The following ZNF772 variants were observed in gnomAD, a reference collection of about 807,000 sequenced individuals.
ZNF772 encodes zinc finger protein 772.
A neutral mutation model predicts 11.0 loss-of-function variants in ZNF772; 8 were observed. That is an observed-to-expected ratio of 0.73 (90% CI 0.43 to 1.31). ZNF772 has a LOEUF of 1.31. ZNF772 is among the 50% of genes most tolerant of loss of function. The probability of loss-of-function intolerance (pLI) is 0.01; values close to 1 mark genes in which losing one functional copy is unlikely to be tolerated. For missense variants in ZNF772, 496 were observed against 552.3 expected, an observed-to-expected ratio of 0.90 and a Z score of 1.02; for synonymous variants, 155 against 180.4, an observed-to-expected ratio of 0.86 and a Z score of 1.13.
In ZNF772 at chr19:57,474,142, C is replaced by A; in HGVS notation, c.479G>T (p.Arg160Ile). ...AAGAAAGGGCCTGCTCTTATCACTT[C>A]TAAAGGGTTTCTCTCCACTGTGCTG... Reference protein sequence around the residue: ...QKQHSGEKPFRSDKSRPFLLN... With the variant: ...QKQHSGEKPFISDKSRPFLLN... The change falls in exon 4 of 4, where the codon AGA (arginine) becomes ATA (isoleucine). Residue 160 changes from arginine (R) to isoleucine (I), a missense_variant. Transcript: ENST00000356584. 6.2e-7 allele frequency: 1 copy of A among 1,614,232 alleles called. No homozygotes were observed.
In ZNF772 at chr19:57,477,269, G is replaced by A. The variant is rs1355780812; in HGVS notation, c.33+8C>T. ...GTCAGCGCGCAGACTCGCAGACGCA[G>A]CACCCACCTGTGCCGGGCCCATCGG... On this transcript the variant is annotated splice_region_variant and intron_variant, in intron 1 of 3. Transcript: ENST00000356584. The A allele has an allele frequency of 8.7e-6, 14 of 1,613,014 alleles. No individual in the cohort carries two copies. The highest frequency in any genetic ancestry group is 1.1e-5 in the Non-Finnish European group (13 of 1,179,740).
chr19:57,475,702 G>C lies in ZNF772; in HGVS notation c.157C>G (p.Arg53Gly), dbSNP rs374022798. ...LLDEAQRLLY[R>G]DVMLENFALM... is the part of the protein sequence containing the mutation. ...GCAAAGTTCTCCAGCATCACATCACGGTACAGGAGCCTCTGAGCCTCATCA... is the reference window on the plus strand; with the variant it reads ...GCAAAGTTCTCCAGCATCACATCACCGTACAGGAGCCTCTGAGCCTCATCA... Residue 53 changes from arginine to glycine, a missense_variant, in exon 3 of 4, where the codon CGT (arginine) becomes GGT (glycine). Coordinates refer to ENST00000356584, the MANE Select transcript of ZNF772 (RefSeq NM_001144068.2). This position sits in a 1 kb window ranked among gnomAD's most constrained non-coding sequence, Gnocchi z 4.2. 1 of 1,613,812 alleles carries C rather than the reference G, an allele frequency of 6.2e-7. No individual in the cohort carries two copies. The highest frequency in any genetic ancestry group is 1.7e-5 in the Admixed American group (1 of 59,972).
In ZNF772 at chr19:57,475,475, G is replaced by A. The variant is rs1421234656; in HGVS notation, c.199+185C>T. ...CAAGGCTCTGAGACAGCAAGCGCTG[G>A]GAATGCTCAAAAGGAGAAAGTAGGA... On this transcript the variant is annotated intron_variant, in intron 3 of 3. Coordinates refer to ENST00000356584, the MANE Select transcript of ZNF772 (RefSeq NM_001144068.2). The surrounding 1 kb of genome is among the most constrained non-coding windows in gnomAD (Gnocchi z 4.2). 5.1e-6 allele frequency: 5 copies of A among 974,444 alleles called. No homozygotes were observed. The highest frequency in any genetic ancestry group is 6.4e-6 in the Non-Finnish European group (4 of 620,994). 60.4% of individuals were successfully genotyped at this position (974,444 alleles called of 1,614,324 possible).
At position 57,473,457 on chromosome 19, in the gene ZNF772, A is replaced by C. The variant is rs1351381230; in HGVS notation, c.1164T>G (p.Asn388Lys). Residue 388 changes from asparagine (N) to lysine (K), a missense_variant, in exon 4 of 4, where the codon AAT becomes AAG. Physicochemically the swap from Asn to Lys is moderately conservative, Grantham distance 94. Coordinates refer to ENST00000356584, the MANE Select transcript of ZNF772 (RefSeq NM_001144068.2). Reference protein sequence around the residue: ...SDLIAHQRVHNGEKPYVCSEC... With the variant: ...SDLIAHQRVHKGEKPYVCSEC... ...CACTGCACACATAAGGCTTTTCACC[A>C]TTATGAACTCTTTGATGTGCAATAA... 6.2e-7 allele frequency: 1 copy of C among 1,614,092 alleles called. No homozygotes were observed. The highest frequency in any genetic ancestry group is 8.5e-7 in the Non-Finnish European group (1 of 1,180,038).
chr19:57,476,179 A>G (rs1359415439), intron 2 of ZNF772, among the ~76,000 whole-genome samples: 1 of 152,180 alleles, frequency 6.6e-6, no homozygotes, highest in Admixed American at 6.5e-5. Flanking sequence ...GATCACAGTT[A>G]TCTCACAACT....
chr19:57,474,581 GT>G (rs35044633), intron 3 of ZNF772, among the ~76,000 whole-genome samples, 160 bp from the exon 4 acceptor site: 37,343 of 152,160 alleles, frequency 0.25, 4,724 homozygotes, highest in Non-Finnish European at 0.26. Context: ...CTATACGGTA[GT>G]TGGCATCTAA....
chr19:57,473,407 T>C lies in ZNF772; in HGVS notation c.1214A>G (p.Lys405Arg), dbSNP rs746458541. ...CSECGKAFSH[K>R]HVLVQHHRIH... ...TCTATGATGCTGAACAAGTACATGT[T>C]TGTGGCTAAAGGCTTTTCCACATTC... Residue 405 changes from lysine (K) to arginine (R), a missense_variant, in exon 4 of 4, where the codon AAA (lysine) becomes AGA (arginine). Transcript: ENST00000356584. 6.2e-7 allele frequency: 1 copy of C among 1,613,944 alleles called. No homozygotes were observed. The highest frequency in any genetic ancestry group is 1.7e-5 in the Admixed American group (1 of 60,020).
rs181268652 is a variant in ZNF772 at position 57,470,519 on chromosome 19, G to T, written c.*2755C>A. On this transcript the variant is annotated 3_prime_UTR_variant, in exon 4 of 4. Coordinates refer to ENST00000356584, the MANE Select transcript of ZNF772 (RefSeq NM_001144068.2). ...GCTTCCATGTTAAAAAGTAGCAAAA[G>T]AAATGAAATCCAATAAAAGCGGAAG... is the stretch of plus-strand genomic sequence containing the variant. 6.6e-6 allele frequency: 1 copy of T among 151,964 alleles called. No homozygotes were observed. The highest frequency in any genetic ancestry group is 1.5e-5 in the Non-Finnish European group (1 of 67,948). 9.4% of individuals were successfully genotyped at this position (151,964 alleles called of 1,614,324 possible).
At chr19:57,476,537 GGA>G in intron 2 of ZNF772, 95 bp downstream of exon 2, 1 of 1,451,848 alleles carries the variant, frequency 6.9e-7, no homozygotes, top group East Asian at 2.3e-5. Flanking sequence ...CCAAGAGATC[GGA>G]GAGTAGCAGG....
rs757135864 is a variant in ZNF772, at chr19:57,473,687, T to A, written c.934A>T (p.Ser312Cys). The change falls in exon 4 of 4, where the codon AGT becomes TGT. Residue 312 changes from serine (S) to cysteine (C), a missense_variant. Ser to Cys is a moderately radical substitution (Grantham distance 112). Coordinates refer to ENST00000356584, the MANE Select transcript of ZNF772 (RefSeq NM_001144068.2). ...TGACTATAGGCTTTCCCACATTCAC[T>A]GCACTTGTAAGGCCTTGCTCCAGTG... ...VHTGARPYKC[S>C]ECGKAYSHKS... 7 of 1,614,106 alleles carry A rather than the reference T, an allele frequency of 4.3e-6. No homozygotes were observed.
chr19:57,473,010 G>A lies in ZNF772; in HGVS notation c.*264C>T. ...TTTGAAACACATTGGGGTTACTTTG[G>A]CACAAGGCAGGACTCTTCCAGCACA... On this transcript the variant is annotated 3_prime_UTR_variant, in exon 4 of 4. Coordinates refer to ENST00000356584, the MANE Select transcript of ZNF772 (RefSeq NM_001144068.2). 2.0e-6 allele frequency: 1 copy of A among 496,352 alleles called. No individual in the cohort carries two copies. The highest frequency in any genetic ancestry group is 3.2e-5 in the East Asian group (1 of 31,132). The allele number at this position is 496,352 out of a possible 1,614,324, so 30.7% of individuals were successfully genotyped here.
rs2089254733 is a variant in ZNF772 at position 57,474,186 on chromosome 19, G to T, written c.435C>A (p.Asn145Lys). The part of the protein sequence containing the change: ...LCGKQFCFSA[N>K]LHQHQKQHSG... The stretch of plus-strand genomic sequence containing the variant: ...TGTGCTGCTTCTGGTGCTGGTGAAG[G>T]TTTGCACTGAAGCAGAACTGTTTCC... Residue 145 changes from asparagine to lysine, a missense_variant, in exon 4 of 4, where the codon AAC becomes AAA. Transcript: ENST00000356584. 1 of 1,614,020 alleles carries T rather than the reference G, an allele frequency of 6.2e-7. No homozygotes were observed. The highest frequency in any genetic ancestry group is 1.1e-5 in the South Asian group (1 of 91,090).
At chr19:57,476,489 A>T (rs756869498) in intron 2 of ZNF772, 145 bp downstream of exon 2, 7 of 970,410 alleles carry the variant, frequency 7.2e-6, no homozygotes, top group Non-Finnish European at 1.1e-5. Flanking sequence ...GCCCGGAGTC[A>T]GGACCCTGGG....
intron 1 of ZNF772, among the ~76,000 whole-genome samples, 196 bp downstream of exon 1, chr19:57,477,080 TC>T (rs2089292833): frequency 6.6e-6 from 1 of 151,848 alleles, no homozygotes; most frequent in African/African-American, 2.4e-5. Context: ...GTGAACCATC[TC>T]TGAGCCTTTG....
chr19:57,476,685 G>A lies in ZNF772; in HGVS notation c.34-13C>T. 1.3e-6 allele frequency: 2 copies of A among 1,585,036 alleles called. No individual in the cohort carries two copies. Among genetic ancestry groups the A allele is most frequent in the Non-Finnish European group, 1.7e-6 (2 of 1,163,912 alleles). On this transcript the variant is annotated splice_polypyrimidine_tract_variant and intron_variant, in intron 1 of 3. Transcript: ENST00000356584. ...AGTTCATGGGAACCTGTGGGGAAGA[G>A]GGAGACTATGCGAGTCAAGCAATCT... is the stretch of plus-strand genomic sequence containing the variant.
At chr19:57,476,538 G>A in intron 2 of ZNF772, 96 bp downstream of exon 2, 1 of 1,457,056 alleles carries the variant, frequency 6.9e-7, no homozygotes, top group Non-Finnish European at 9.6e-7. Flanking sequence ...CAAGAGATCG[G>A]AGAGTAGCAG....
Position 57,474,688 on chromosome 19 carries a change from T to C in ZNF772, c.200-267A>G, listed in dbSNP as rs139765863. The stretch of plus-strand genomic sequence containing the variant: ...GGTCTCAAAGTCATTCACAATCAGA[T>C]TTTCTTGGCTGCTGGGGACAGGTGA... On this transcript the variant is annotated intron_variant, in intron 3 of 3. Transcript: ENST00000356584. Among the ~76,000 whole-genome samples the C allele has an allele frequency of 3.8e-3, 582 of 152,270 alleles. 4 individuals carry two copies. The highest frequency in any genetic ancestry group is 0.014 in the African/African-American group (561 of 41,552).
chr19:57,476,851 G>A (rs932326040), intron 1 of ZNF772, among the ~76,000 whole-genome samples, 179 bp from the exon 2 acceptor site: 6 of 152,138 alleles, frequency 3.9e-5, no homozygotes, highest in African/African-American at 1.4e-4. Flanking sequence ...CTCATTATCC[G>A]CCCCCATGGC....
chr19:57,474,124 G>A lies in ZNF772; in HGVS notation c.497C>T (p.Pro166Leu). ...CACAGCACAGTTGTTCAGAAGAAAG[G>A]GCCTGCTCTTATCACTTCTAAAGGG... ...EKPFRSDKSR[P>L]FLLNNCAVQS... is the part of the protein sequence containing the mutation. The change falls in exon 4 of 4, where the codon CCC becomes CTC. Residue 166 changes from proline (P) to leucine (L), a missense_variant. Coordinates refer to ENST00000356584, the MANE Select transcript of ZNF772 (RefSeq NM_001144068.2). The A allele has an allele frequency of 6.2e-7, 1 of 1,614,124 alleles. No homozygotes were observed. Among genetic ancestry groups the A allele is most frequent in the Non-Finnish European group, 8.5e-7 (1 of 1,179,996 alleles).
Sources: gnomAD v4.1 joint callset for allele counts (sites outside exome capture counted in the v4.1 genomes callset) on GRCh38, gnomAD v4.1.1 for gene constraint, Gnocchi (gnomAD v3.1) non-coding constraint, MANE v1.5 for transcripts, NCBI Gene and HGNC (gene_info 2026-07-23, HGNC 2026-07-21) for gene names.